TLL1: variants seen among roughly 807,000 people sequenced by gnomAD.
TLL1 encodes the protein tolloid like 1.
A neutral mutation model predicts 128.2 loss-of-function variants in TLL1; 49 were observed. That is an observed-to-expected ratio of 0.38 (90% confidence interval 0.30 to 0.48). TLL1 has a LOEUF of 0.48. Among genes scored for constraint, TLL1 ranks in the 20% least tolerant of loss-of-function variants. The pLI is 0.96. For synonymous variants in TLL1, 454 were observed against 418.8 expected, an observed-to-expected ratio of 1.08 and a Z score of -1.03; for missense variants, 1,123 against 1,242.0, an observed-to-expected ratio of 0.90 and a Z score of 1.44.
intron 14 of TLL1, among the ~76,000 whole-genome samples, chr4:166,058,700 A>G (rs1012795490): frequency 1.3e-5 from 2 of 152,094 alleles, no homozygotes; most frequent in African/African-American, 4.8e-5. Flanking sequence ...TTTCTGCAAA[A>G]TTCATCTTCA....
chr4:165,925,084 A>C (rs887029143), intron 1 of TLL1, among the ~76,000 whole-genome samples: 2 of 152,230 alleles, frequency 1.3e-5, no homozygotes, highest in Non-Finnish European at 1.5e-5. Context: ...AGAAATGTCC[A>C]TGGAGATTAA....
chr4:166,062,119 A>G (rs1204246015), intron 15 of TLL1, among the ~76,000 whole-genome samples: 1 of 152,138 alleles, frequency 6.6e-6, no homozygotes, highest in African/African-American at 2.4e-5. Flanking sequence ...TAGTTACTGT[A>G]GCCTTGTAGT....
intron 18 of TLL1, among the ~76,000 whole-genome samples, chr4:166,085,325 G>T (rs1422355060): frequency 6.6e-6 from 1 of 151,240 alleles, no homozygotes; most frequent in African/African-American, 2.4e-5. Context: ...CTGAATAGAA[G>T]TGGTGAGAGT....
chr4:166,079,605 G>T (rs1741196204), intron 18 of TLL1, among the ~76,000 whole-genome samples: 1 of 151,930 alleles, frequency 6.6e-6, no homozygotes, highest in Admixed American at 6.6e-5. Flanking sequence ...AGGTGTATGT[G>T]TTTGTGTGTG....
chr4:166,039,405 G>C lies in TLL1; in HGVS notation c.1225G>C (p.Val409Leu). 6.2e-6 allele frequency: 10 copies of C among 1,613,278 alleles called. No homozygotes were observed. The highest frequency in any genetic ancestry group is 7.6e-6 in the Non-Finnish European group (9 of 1,179,454). ...TTTGTGCTGGTATGACTATATTGAA[G>C]TAAGAGACGGGTACTGGAGAAAATC... ...SSLCWYDYIE[V>L]RDGYWRKSPL... The change falls in exon 10 of 21, where the codon GTA becomes CTA. Residue 409 changes from valine to leucine, a missense_variant. Coordinates refer to ENST00000061240, the MANE Select transcript of TLL1 (RefSeq NM_012464.5).
At chr4:165,966,043 G>T (rs1735351861) in intron 1 of TLL1, among the ~76,000 whole-genome samples, 1 of 152,056 alleles carries the variant, frequency 6.6e-6, no homozygotes, top group Non-Finnish European at 1.5e-5. Flanking sequence ...GCTGGGTGTG[G>T]TGGTGGGCGC....
chr4:165,957,323 T>C (rs1409300179), intron 1 of TLL1, among the ~76,000 whole-genome samples: 1 of 152,004 alleles, frequency 6.6e-6, no homozygotes, highest in Non-Finnish European at 1.5e-5. Flanking sequence ...TATATAGGCG[T>C]CCAATGTTAC....
chr4:166,091,443 T>C, intron 19 of TLL1, 102 bp downstream of exon 19: 1 of 993,800 alleles, frequency 1.0e-6, no homozygotes. Flanking sequence ...TCTCCAAGCA[T>C]AGCAGATAAA....
At chr4:166,032,473 G>A (rs1738815514) in intron 9 of TLL1, among the ~76,000 whole-genome samples, 1 of 152,082 alleles carries the variant, frequency 6.6e-6, no homozygotes, top group South Asian at 2.1e-4. Flanking sequence ...CTGTGGCAAT[G>A]TCAAAAAGTC....
chr4:165,917,878 T>G (rs1026822944), intron 1 of TLL1, among the ~76,000 whole-genome samples: 5 of 152,200 alleles, frequency 3.3e-5, no homozygotes, highest in Admixed American at 6.5e-5. Context: ...TAACTCAAAA[T>G]GTGAGAAATG....
In TLL1 at chr4:165,930,110, G is replaced by A. The variant is rs77757871; in HGVS notation, c.169+56037G>A. Reference sequence around the variant, plus strand: ...TTTACTGATTTGGCCACTAAGTTAAGCCCATACTTTTTAATCTGGATTGAG... The same window carrying A: ...TTTACTGATTTGGCCACTAAGTTAAACCCATACTTTTTAATCTGGATTGAG... On this transcript the variant is annotated intron_variant, in intron 1 of 20. Transcript: ENST00000061240. Among the ~76,000 whole-genome samples, 267 of 152,236 alleles carry A rather than the reference G, an allele frequency of 1.8e-3. 1 individual carries two copies. The highest frequency in any genetic ancestry group is 6.1e-3 in the African/African-American group (255 of 41,548).
At chr4:165,967,197 A>G (rs898593517) in intron 1 of TLL1, among the ~76,000 whole-genome samples, 19 of 152,184 alleles carry the variant, frequency 1.2e-4, no homozygotes, top group African/African-American at 4.6e-4. Context: ...CCCAATGGTT[A>G]TCTCCCTCGT....
At chr4:165,964,586 T>G (rs1242928123) in intron 1 of TLL1, among the ~76,000 whole-genome samples, 1 of 152,202 alleles carries the variant, frequency 6.6e-6, no homozygotes, top group Non-Finnish European at 1.5e-5. Context: ...TTGCAATTCC[T>G]ACCTCCGAGG....
intron 8 of TLL1, among the ~76,000 whole-genome samples, chr4:166,023,201 C>T (rs1738322849): frequency 1.3e-5 from 2 of 152,250 alleles, no homozygotes; most frequent in South Asian, 2.1e-4. Flanking sequence ...GAGTTCAAGA[C>T]CAGCCTGTCC....
chr4:165,874,405 T>A (rs1438422903), intron 1 of TLL1, among the ~76,000 whole-genome samples: 1 of 152,156 alleles, frequency 6.6e-6, no homozygotes, highest in Non-Finnish European at 1.5e-5. Flanking sequence ...GGTTTTAAAT[T>A]CCAACACTCA....
intron 18 of TLL1, among the ~76,000 whole-genome samples, chr4:166,087,801 T>G (rs1313727586): frequency 6.6e-6 from 1 of 152,156 alleles, no homozygotes; most frequent in East Asian, 1.9e-4. Context: ...TAGGCTTGCT[T>G]GGGTGTTCCA....
chr4:166,042,170 A>G, intron 11 of TLL1, 27 bp downstream of exon 11: 1 of 1,387,690 alleles, frequency 7.2e-7, no homozygotes, highest in Non-Finnish European at 1.0e-6. Context: ...TTTAGAGAGT[A>G]GTTCATCTTA....
chr4:166,061,610 T>C (rs1339786987), intron 15 of TLL1, among the ~76,000 whole-genome samples: 1 of 152,030 alleles, frequency 6.6e-6, no homozygotes, highest in Admixed American at 6.6e-5. Flanking sequence ...GTTTTAGCTT[T>C]TTACTAGTGG....
At chr4:165,969,231 C>G (rs1313829820) in intron 1 of TLL1, among the ~76,000 whole-genome samples, 1 of 152,058 alleles carries the variant, frequency 6.6e-6, no homozygotes, top group Non-Finnish European at 1.5e-5. Context: ...GATCAGTTTA[C>G]AATTTTTAAT....
Sources: gnomAD v4.1 joint callset for allele counts (sites outside exome capture counted in the v4.1 genomes callset) on GRCh38, gnomAD v4.1.1 for gene constraint, MANE v1.5 for transcripts, NCBI Gene and HGNC (gene_info 2026-07-23, HGNC 2026-07-21) for gene names.